CACNA2D3: variants seen among roughly 807,000 people sequenced by gnomAD.
CACNA2D3 encodes the protein voltage-dependent calcium channel subunit alpha-2/delta-3.
Under a neutral mutation model 160.6 loss-of-function variants are expected in CACNA2D3, and 60 were observed. The ratio of observed to expected loss-of-function variants is 0.37; its 90% CI spans 0.30 to 0.46. The LOEUF (loss-of-function observed/expected upper bound fraction) is 0.46. CACNA2D3 is among the 20% of genes least tolerant of loss of function. CACNA2D3 has a pLI of 1.00. For missense variants in CACNA2D3, 1,205 were observed against 1,365.0 expected (o/e 0.88, Z 1.85); for synonymous variants, 558 against 492.9 (o/e 1.13, Z -1.75).
At chr3:54,522,256 A>G (rs1381342649) in intron 5 of CACNA2D3, among the ~76,000 whole-genome samples, 1 of 152,062 alleles carries the variant, frequency 6.6e-6, no homozygotes, top group Non-Finnish European at 1.5e-5. Context: ...TGTTAAATTT[A>G]TTAAATTATT....
At chr3:54,415,897 T>C (rs1198341879) in intron 4 of CACNA2D3, among the ~76,000 whole-genome samples, 1 of 152,108 alleles carries the variant, frequency 6.6e-6, no homozygotes, top group Non-Finnish European at 1.5e-5. Flanking sequence ...CTGGACAAAA[T>C]CTTGTGAAGA....
chr3:54,156,484 G>A (rs778074050), intron 2 of CACNA2D3, among the ~76,000 whole-genome samples: 13 of 152,210 alleles, frequency 8.5e-5, no homozygotes, highest in Non-Finnish European at 1.5e-4. Flanking sequence ...AATTGCATCT[G>A]CTACACCCGT....
intron 4 of CACNA2D3, among the ~76,000 whole-genome samples, chr3:54,433,248 C>T (rs1700015105): frequency 6.6e-6 from 1 of 152,106 alleles, no homozygotes; most frequent in South Asian, 2.1e-4. Context: ...AGGTCTCTTT[C>T]CAGTGTAGAC....
chr3:54,738,856 C>T (rs971399245), intron 11 of CACNA2D3, among the ~76,000 whole-genome samples: 1 of 152,134 alleles, frequency 6.6e-6, no homozygotes, highest in African/African-American at 2.4e-5. Context: ...TTTTCTCTTA[C>T]GTGTAAGACT....
At chr3:55,025,696 C>G (rs6794964) in intron 35 of CACNA2D3, among the ~76,000 whole-genome samples, 1 of 147,362 alleles carries the variant, frequency 6.8e-6, no homozygotes, top group East Asian at 2.0e-4. Context: ...TCAGTCATGG[C>G]TAGTCTGTTT....
chr3:54,546,530 G>A (rs979411812), intron 5 of CACNA2D3, among the ~76,000 whole-genome samples: 4 of 152,126 alleles, frequency 2.6e-5, no homozygotes, highest in Admixed American at 6.5e-5. Context: ...CAGAATGCCC[G>A]CAGCTGGTAA....
At chr3:54,641,785 T>G (rs2106845724) in intron 10 of CACNA2D3, among the ~76,000 whole-genome samples, 1 of 152,278 alleles carries the variant, frequency 6.6e-6, no homozygotes, top group East Asian at 1.9e-4. Flanking sequence ...CTCCCAAAAC[T>G]CCAAAGGGAG....
intron 4 of CACNA2D3, among the ~76,000 whole-genome samples, chr3:54,411,259 G>A (rs556485231): frequency 4.4e-4 from 67 of 152,354 alleles, no homozygotes; most frequent in African/African-American, 1.5e-3. Context: ...TAAGGCAGCA[G>A]CAGGGTTTAA....
intron 4 of CACNA2D3, among the ~76,000 whole-genome samples, chr3:54,486,280 C>G (rs371188851): frequency 3.9e-5 from 6 of 152,126 alleles, no homozygotes; most frequent in East Asian, 3.9e-4. Context: ...CCATCAAGCA[C>G]TTCCATATCT....
At chr3:54,680,556 G>C (rs895485972) in intron 11 of CACNA2D3, among the ~76,000 whole-genome samples, 1 of 152,184 alleles carries the variant, frequency 6.6e-6, no homozygotes, top group African/African-American at 2.4e-5. Flanking sequence ...TGTGCCTCCA[G>C]ATGCTACTAT....
At chr3:54,320,062 T>A (rs1703953976) in intron 2 of CACNA2D3, among the ~76,000 whole-genome samples, 1 of 152,166 alleles carries the variant, frequency 6.6e-6, no homozygotes, top group Non-Finnish European at 1.5e-5. Context: ...TGGGATCACT[T>A]TGAGAACTGC....
intron 31 of CACNA2D3, among the ~76,000 whole-genome samples, chr3:55,004,436 A>G (rs1309828347): frequency 6.6e-6 from 1 of 152,208 alleles, no homozygotes; most frequent in Non-Finnish European, 1.5e-5. Context: ...AGTTCAGAAC[A>G]GCACATTCCC....
chr3:54,383,004 C>T (rs539069208), intron 3 of CACNA2D3, among the ~76,000 whole-genome samples: 7 of 152,032 alleles, frequency 4.6e-5, no homozygotes, highest in African/African-American at 1.4e-4. Flanking sequence ...GGTGCCACCA[C>T]GCCTGGCTAA....
At chr3:54,621,307 C>T (rs1698983505) in intron 9 of CACNA2D3, among the ~76,000 whole-genome samples, 1 of 152,188 alleles carries the variant, frequency 6.6e-6, no homozygotes, top group South Asian at 2.1e-4. Flanking sequence ...GAAGGAGAGG[C>T]TTATTTCACC....
At chr3:54,563,187 A>G (rs1467638870) in intron 6 of CACNA2D3, among the ~76,000 whole-genome samples, 1 of 152,170 alleles carries the variant, frequency 6.6e-6, no homozygotes, top group African/African-American at 2.4e-5. Flanking sequence ...CAGAGCTGTC[A>G]CCAAATGTGA....
chr3:54,683,588 A>T (rs1355204409), intron 11 of CACNA2D3, among the ~76,000 whole-genome samples: 1 of 152,214 alleles, frequency 6.6e-6, no homozygotes, highest in Non-Finnish European at 1.5e-5. Context: ...CAATACACAC[A>T]GCATGGTACT....
intron 13 of CACNA2D3, among the ~76,000 whole-genome samples, chr3:54,785,114 C>T (rs1290280761): frequency 6.6e-6 from 1 of 152,212 alleles, no homozygotes; most frequent in Non-Finnish European, 1.5e-5. Flanking sequence ...ACCAGCAGAG[C>T]CATGGAGCTT....
intron 35 of CACNA2D3, among the ~76,000 whole-genome samples, chr3:55,019,252 A>C (rs1703396301): frequency 6.6e-6 from 1 of 151,892 alleles, no homozygotes; most frequent in Admixed American, 6.6e-5. Context: ...ATTTAAGAGA[A>C]CAAGCTCCTT....
intron 1 of CACNA2D3, among the ~76,000 whole-genome samples, chr3:54,123,087 G>T (rs1016513689): frequency 1.3e-5 from 2 of 152,170 alleles, no homozygotes; most frequent in Non-Finnish European, 2.9e-5. Flanking sequence ...TTGGAGCCTG[G>T]TTACCGAATC....
Sources: gnomAD v4.1 joint callset for allele counts (sites outside exome capture counted in the v4.1 genomes callset) on GRCh38, gnomAD v4.1.1 for gene constraint, MANE v1.5 for transcripts, NCBI Gene and HGNC (gene_info 2026-07-23, HGNC 2026-07-21) for gene names.